Variants in C8B observed in about 807,000 individuals in gnomAD.
C8B encodes the protein complement component C8 beta chain.
A neutral mutation model predicts 64.6 loss-of-function variants in C8B; 67 were observed. That is an observed-to-expected ratio of 1.04 (90% CI 0.85 to 1.27). The LOEUF (loss-of-function observed/expected upper bound fraction) is 1.27. Among genes scored for constraint, C8B ranks in the 50% most tolerant of loss-of-function variants. The pLI is 0.00. For synonymous variants in C8B, 284 were observed against 257.7 expected (o/e 1.10, Z -0.98); for missense variants, 790 against 725.2 (o/e 1.09, Z -1.03).
chr1:56,943,032 A>G (rs144061337), intron 8 of C8B, among the ~76,000 whole-genome samples: 1 of 151,968 alleles, frequency 6.6e-6, no homozygotes, highest in East Asian at 1.9e-4. Flanking sequence ...GAAGGTGGAG[A>G]TTGCAGTGAG....
At chr1:56,945,764 C>T in intron 7 of C8B, 57 bp downstream of exon 7, 1 of 1,610,022 alleles carries the variant, frequency 6.2e-7, no homozygotes, top group East Asian at 2.2e-5. Context: ...ACTACAAGTT[C>T]AACTTATGAC....
chr1:56,942,635 C>T (rs777436096), intron 8 of C8B, among the ~76,000 whole-genome samples: 1 of 151,998 alleles, frequency 6.6e-6, no homozygotes, highest in Non-Finnish European at 1.5e-5. Context: ...ACCCGGGAGG[C>T]GGAGGTTGCA....
chr1:56,954,399 C>T (rs1298082643), intron 4 of C8B, among the ~76,000 whole-genome samples: 1 of 152,230 alleles, frequency 6.6e-6, no homozygotes, highest in Non-Finnish European at 1.5e-5. Flanking sequence ...GCTCCCCTCC[C>T]TACCCCAGCC....
intron 6 of C8B, among the ~76,000 whole-genome samples, chr1:56,947,729 A>T (rs1644961927): frequency 6.6e-6 from 1 of 152,170 alleles, no homozygotes; most frequent in Admixed American, 6.6e-5. Context: ...CAGTAGATCA[A>T]GATCATCCTG....
chr1:56,959,663 G>GGT, intron 2 of C8B: 6 of 1,521,002 alleles, frequency 3.9e-6, no homozygotes, highest in Non-Finnish European at 5.3e-6. Flanking sequence ...TGATCCTAAG[G>GGT]GTCATGGGTA....
At chr1:56,929,812 C>G (rs1183249966) in intron 11 of C8B, among the ~76,000 whole-genome samples, 1 of 152,168 alleles carries the variant, frequency 6.6e-6, no homozygotes, top group African/African-American at 2.4e-5. Context: ...CCTCGGATCT[C>G]AGTAAAAGTG....
chr1:56,950,480 G>A (rs1425882710), intron 5 of C8B, among the ~76,000 whole-genome samples: 3 of 152,176 alleles, frequency 2.0e-5, no homozygotes, highest in Non-Finnish European at 1.5e-5. Context: ...GAACTGCCAA[G>A]GGTACTGCCC....
chr1:56,957,781 G>A (rs1419454198), intron 2 of C8B, among the ~76,000 whole-genome samples: 2 of 152,134 alleles, frequency 1.3e-5, no homozygotes, highest in African/African-American at 4.8e-5. Flanking sequence ...TGGGCCCCAG[G>A]CAGTTGCAGC....
At chr1:56,932,338 C>T (rs1196433550) in intron 10 of C8B, among the ~76,000 whole-genome samples, 3 of 152,172 alleles carry the variant, frequency 2.0e-5, no homozygotes, top group Non-Finnish European at 4.4e-5. Flanking sequence ...AATTTGTAAT[C>T]TGTCAAGCAA....
intron 8 of C8B, among the ~76,000 whole-genome samples, chr1:56,941,481 ATAG>A (rs1420423334): frequency 6.6e-6 from 1 of 151,244 alleles, no homozygotes; most frequent in Non-Finnish European, 1.5e-5. Context: ...TAGATAGATA[ATAG>A]TAGATAATAG....
chr1:56,940,807 T>C, intron 9 of C8B, 42 bp downstream of exon 9: 1 of 1,613,364 alleles, frequency 6.2e-7, no homozygotes, highest in Admixed American at 1.7e-5. Flanking sequence ...CAGAAGCTAT[T>C]TTCTGGGTGG....
intron 1 of C8B, among the ~76,000 whole-genome samples, chr1:56,965,398 AGTGTGTGT>A (rs56761445): frequency 7.0e-6 from 1 of 142,578 alleles, no homozygotes; most frequent in African/African-American, 2.7e-5. Flanking sequence ...AGAGAGAGAG[AGTGTGTGT>A]GTGTGTGTGT....
chr1:56,953,713 A>G (rs949604600), intron 4 of C8B, among the ~76,000 whole-genome samples: 2 of 152,206 alleles, frequency 1.3e-5, no homozygotes, highest in Admixed American at 6.5e-5. Context: ...TTCCACGTAG[A>G]TAAGTGCCTT....
rs555525061 is a variant in C8B at position 56,933,645 on chromosome 1, C to T, written c.1399-157G>A. On this transcript the variant is annotated intron_variant, in intron 9 of 11. Coordinates refer to ENST00000371237, the MANE Select transcript of C8B (RefSeq NM_000066.4). ...ATCTCCCATCTTCTCTCTGCTTCCC[C>T]TTACCCGATATACACAAATTAGCTC... 7.2e-5 allele frequency among the ~76,000 whole-genome samples: 11 copies of T among 152,358 alleles called. No individual in the cohort carries two copies. The South Asian group carries it at 1.4e-3, about 20-fold the overall frequency.
intron 4 of C8B, among the ~76,000 whole-genome samples, chr1:56,954,366 A>T (rs1382504776): frequency 2.6e-5 from 4 of 152,194 alleles, no homozygotes; most frequent in Non-Finnish European, 5.9e-5. Context: ...TAACATGGTC[A>T]CACTGCAGGT....
At chr1:56,929,789 A>T (rs1470466163) in intron 11 of C8B, among the ~76,000 whole-genome samples, 1 of 152,136 alleles carries the variant, frequency 6.6e-6, no homozygotes, top group African/African-American at 2.4e-5. Flanking sequence ...TCACCTGGTC[A>T]ATCCAATTCA....
At chr1:56,961,436 G>C (rs552515089) in intron 1 of C8B, among the ~76,000 whole-genome samples, 2 of 152,284 alleles carry the variant, frequency 1.3e-5, no homozygotes, top group South Asian at 4.1e-4. Context: ...GAGGGAAGCG[G>C]CCCAGAGAGA....
At chr1:56,954,962 T>A in intron 3 of C8B, 135 bp from the exon 4 acceptor site, 3 of 991,212 alleles carry the variant, frequency 3.0e-6, no homozygotes, top group Non-Finnish European at 3.2e-6. Context: ...TCATCCTGTA[T>A]CCAGATAGAT....
In C8B at chr1:56,943,757, C is replaced by G. The variant is rs369339023; in HGVS notation, c.1173G>C (p.Glu391Asp). ...CAGACACACCCAGACTGACGTAGACCTCTTCAATGGCACCACCAATTTTAA... is the reference window on the plus strand; with the variant it reads ...CAGACACACCCAGACTGACGTAGACGTCTTCAATGGCACCACCAATTTTAA... ...NDFKIGGAIEEVYVSLGVSVG... is the reference protein window; with the variant it reads ...NDFKIGGAIEDVYVSLGVSVG... Residue 391 changes from glutamate to aspartate, a missense_variant, in exon 8 of 12, where the codon GAG becomes GAC. Coordinates refer to ENST00000371237, the MANE Select transcript of C8B (RefSeq NM_000066.4). 20 of 1,613,914 alleles carry G rather than the reference C, an allele frequency of 1.2e-5. No homozygotes were observed. The highest frequency in any genetic ancestry group is 1.7e-5 in the Non-Finnish European group (20 of 1,179,960).
Sources: gnomAD v4.1 joint callset for allele counts (sites outside exome capture counted in the v4.1 genomes callset) on GRCh38, gnomAD v4.1.1 for gene constraint, MANE v1.5 for transcripts, NCBI Gene and HGNC (gene_info 2026-07-23, HGNC 2026-07-21) for gene names.